Variants in SOBP observed in about 807,000 individuals in gnomAD.
SOBP encodes the protein sine oculis-binding protein homolog.
SOBP carries 4 observed loss-of-function variants against 53.6 expected under a neutral mutation model. The observed-to-expected ratio is 0.07, with a 90% CI of 0.04 to 0.17. SOBP has a LOEUF of 0.17. Among genes scored for constraint, SOBP ranks in the 10% least tolerant of loss-of-function variants. The pLI, the probability that SOBP is intolerant of heterozygous loss-of-function variation, is 1.00. For synonymous variants in SOBP, 584 were observed against 522.6 expected, an observed-to-expected ratio of 1.12 and a Z score of -1.60; for missense variants, 1,088 against 1,204.7, an observed-to-expected ratio of 0.90 and a Z score of 1.43.
intron 4 of SOBP, among the ~76,000 whole-genome samples, chr6:107,548,327 C>T (rs1784361948): frequency 6.6e-6 from 1 of 150,740 alleles, no homozygotes; most frequent in Admixed American, 6.6e-5. Context: ...GATCTTGGCT[C>T]ACTGCAAGTT....
chr6:107,553,932 A>G (rs1784537191), intron 4 of SOBP, among the ~76,000 whole-genome samples: 1 of 152,198 alleles, frequency 6.6e-6, no homozygotes, highest in South Asian at 2.1e-4. Flanking sequence ...TGCATTAGAC[A>G]TGAGAGAATT....
At chr6:107,646,208 C>T (rs538653903) in intron 6 of SOBP, among the ~76,000 whole-genome samples, 1 of 152,250 alleles carries the variant, frequency 6.6e-6, no homozygotes, top group African/African-American at 2.4e-5. Flanking sequence ...GAGGGACATG[C>T]GCTGCCAGAT....
intron 4 of SOBP, among the ~76,000 whole-genome samples, chr6:107,542,740 T>C (rs949772760): frequency 2.0e-5 from 3 of 152,064 alleles, no homozygotes; most frequent in Admixed American, 2.0e-4. Flanking sequence ...TTTTTGTGTG[T>C]GTGGTTTTGT....
At chr6:107,551,902 TC>T (rs1169496542) in intron 4 of SOBP, among the ~76,000 whole-genome samples, 2 of 152,110 alleles carry the variant, frequency 1.3e-5, no homozygotes, top group Non-Finnish European at 2.9e-5. Context: ...ACACCTGTAA[TC>T]CCAGCTACTT....
intron 3 of SOBP, among the ~76,000 whole-genome samples, chr6:107,531,331 A>G (rs1783818822): frequency 6.6e-6 from 1 of 152,234 alleles, no homozygotes; most frequent in Non-Finnish European, 1.5e-5. Flanking sequence ...GCTTACTGCC[A>G]GTGGATAATT....
At chr6:107,502,474 AATAT>A (rs1196485913) in intron 1 of SOBP, among the ~76,000 whole-genome samples, 2 of 152,226 alleles carry the variant, frequency 1.3e-5, no homozygotes, top group Non-Finnish European at 2.9e-5. Flanking sequence ...ATAAGGTAAA[AATAT>A]ATAGTCACTT....
chr6:107,521,947 CACACACACACACAA>C (rs769261030), intron 3 of SOBP, among the ~76,000 whole-genome samples: 42 of 96,490 alleles, frequency 4.4e-4, no homozygotes, highest in African/African-American at 1.0e-3. Flanking sequence ...CACACACACA[CACACACACACACAA>C]ACTCAATCAA....
chr6:107,546,271 A>G (rs1356110534), intron 4 of SOBP, among the ~76,000 whole-genome samples: 2 of 152,238 alleles, frequency 1.3e-5, no homozygotes, highest in African/African-American at 2.4e-5. Flanking sequence ...CCTGTCCTGT[A>G]TCAATCTGTG....
chr6:107,617,581 A>T (rs1161608998), intron 5 of SOBP, among the ~76,000 whole-genome samples: 1 of 152,224 alleles, frequency 6.6e-6, no homozygotes, highest in African/African-American at 2.4e-5. Flanking sequence ...ATTAATATTT[A>T]AAAAGTAATA....
intron 4 of SOBP, among the ~76,000 whole-genome samples, chr6:107,576,804 A>G (rs1785237981): frequency 6.6e-6 from 1 of 152,176 alleles, no homozygotes; most frequent in African/African-American, 2.4e-5. Context: ...GATGTAGGCA[A>G]CCCTGGTTAT....
chr6:107,660,472 G>A lies in SOBP; in HGVS notation c.*2269G>A, dbSNP rs2114263872. Among the ~76,000 whole-genome samples, 1 of 152,250 alleles carries A rather than the reference G, an allele frequency of 6.6e-6. No individual in the cohort carries two copies. Among genetic ancestry groups the A allele is most frequent in the South Asian group, 2.1e-4 (1 of 4,826 alleles). ...GGTGTCCCTTCCAAGTGCTCTTCAAGTCCTGATCTTTTTTGGCTCCAAGGG... is the reference window on the plus strand; with the variant it reads ...GGTGTCCCTTCCAAGTGCTCTTCAAATCCTGATCTTTTTTGGCTCCAAGGG... On this transcript the variant is annotated 3_prime_UTR_variant, in exon 7 of 7. Transcript: ENST00000317357.
chr6:107,604,550 C>A (rs1170349098), intron 5 of SOBP, among the ~76,000 whole-genome samples: 2 of 151,758 alleles, frequency 1.3e-5, no homozygotes, highest in Non-Finnish European at 2.9e-5. Context: ...CACCTCTACC[C>A]CTACCCCACC....
intron 4 of SOBP, among the ~76,000 whole-genome samples, chr6:107,572,682 C>G (rs1219756509): frequency 1.3e-5 from 2 of 152,076 alleles, no homozygotes; most frequent in Non-Finnish European, 2.9e-5. Flanking sequence ...ATCTTTTCTG[C>G]TCCTCTCTGT....
intron 4 of SOBP, among the ~76,000 whole-genome samples, chr6:107,562,868 A>G (rs183569162): frequency 4.2e-4 from 64 of 152,364 alleles, no homozygotes; most frequent in African/African-American, 1.5e-3. Context: ...AGTAAGAAAA[A>G]AAGAAGGGAT....
chr6:107,525,961 C>T (rs548688869), intron 3 of SOBP, among the ~76,000 whole-genome samples: 2 of 150,750 alleles, frequency 1.3e-5, no homozygotes, highest in African/African-American at 2.4e-5. Flanking sequence ...TTTTTTTTTT[C>T]CCCGAGACGG....
At chr6:107,514,898 A>G (rs1046792028) in intron 3 of SOBP, 6 of 152,246 alleles carry the variant, frequency 3.9e-5, no homozygotes, top group African/African-American at 1.2e-4. Context: ...ATGTATAGTT[A>G]TAACAGCCAG....
intron 3 of SOBP, among the ~76,000 whole-genome samples, chr6:107,509,308 C>T (rs1407678892): frequency 1.3e-5 from 2 of 151,354 alleles, no homozygotes; most frequent in African/African-American, 2.4e-5. Flanking sequence ...GCAGGAGAAT[C>T]GCTTGAACCT....
intron 5 of SOBP, among the ~76,000 whole-genome samples, chr6:107,606,728 C>A (rs961579455): frequency 6.6e-6 from 1 of 152,240 alleles, no homozygotes; most frequent in Admixed American, 6.5e-5. Context: ...CTGGGATCCC[C>A]TCTTCCTCCT....
intron 3 of SOBP, among the ~76,000 whole-genome samples, chr6:107,531,991 C>A (rs145502710): frequency 2.6e-5 from 4 of 152,164 alleles, no homozygotes; most frequent in South Asian, 2.1e-4. Flanking sequence ...TGCCTCAAAC[C>A]AAATCTTTTC....
Sources: allele counts gnomAD v4.1 joint callset (sites outside exome capture counted in the v4.1 genomes callset), GRCh38; gene constraint gnomAD v4.1.1; transcripts MANE v1.5; gene names NCBI Gene and HGNC (gene_info 2026-07-23, HGNC 2026-07-21).